The following NTM variants were observed in gnomAD, a reference collection of about 807,000 sequenced individuals.
NTM encodes the protein IgLON family member 2.
In NTM, 13 loss-of-function variants were observed where a neutral mutation model predicts 42.1. The observed-to-expected ratio is 0.31, with a 90% confidence interval of 0.20 to 0.49. The LOEUF (loss-of-function observed/expected upper bound fraction) is 0.49. Among genes scored for constraint, NTM ranks in the 20% least tolerant of loss-of-function variants. The probability of loss-of-function intolerance (pLI) is 0.99; values close to 1 mark genes in which losing one functional copy is unlikely to be tolerated. For missense variants in NTM, 373 were observed against 452.8 expected (o/e 0.82, Z 1.60); for synonymous variants, 187 against 179.2 (o/e 1.04, Z -0.35).
rs1470109313 is a variant in NTM at position 132,243,556 on chromosome 11, G to T, written c.526+31409G>T. Among the ~76,000 whole-genome samples, 6 of 152,134 alleles carry T rather than the reference G, an allele frequency of 3.9e-5. No individual in the cohort carries two copies. The South Asian group carries it at 1.2e-3, about 32-fold the overall frequency. ...CCAGGACACAGTGGACATTGAAGGG[G>T]AACAGAGAAGTAGAGGGTTTCCCTC... On this transcript the variant is annotated intron_variant, in intron 4 of 8. Coordinates refer to ENST00000683400, the MANE Select transcript of NTM (RefSeq NM_001352005.2).
chr11:131,586,080 T>C (rs1308153641), intron 1 of NTM, among the ~76,000 whole-genome samples: 1 of 152,158 alleles, frequency 6.6e-6, no homozygotes, highest in Admixed American at 6.6e-5. Context: ...TGTATGAGTG[T>C]GTTAGCCTTT....
Position 132,239,925 on chromosome 11 carries a change from C to T in NTM, c.526+27778C>T, listed in dbSNP as rs564803235. Among the ~76,000 whole-genome samples the T allele has an allele frequency of 5.3e-5, 8 of 152,146 alleles. No homozygotes were observed. In the East Asian group the frequency reaches 1.5e-3, roughly 29 times the overall value. On this transcript the variant is annotated intron_variant, in intron 4 of 8. Coordinates refer to ENST00000683400, the MANE Select transcript of NTM (RefSeq NM_001352005.2). ...TTTATCTGGTTTGGGAGCATTATGC[C>T]TCTCCTAGTTCATTTATCCATCCAT...
intron 1 of NTM, among the ~76,000 whole-genome samples, chr11:131,904,562 A>G (rs1294709883): frequency 6.6e-6 from 1 of 152,180 alleles, no homozygotes; most frequent in Non-Finnish European, 1.5e-5. Flanking sequence ...TTTAAGATGG[A>G]GACCTGAGCG....
intron 1 of NTM, among the ~76,000 whole-genome samples, chr11:131,731,030 A>T (rs2079613050): frequency 6.6e-6 from 1 of 152,190 alleles, no homozygotes; most frequent in South Asian, 2.1e-4. Context: ...ACTCTGATGA[A>T]ATACTTTTAA....
chr11:131,849,853 G>A (rs901209576), intron 1 of NTM, among the ~76,000 whole-genome samples: 3 of 151,150 alleles, frequency 2.0e-5, no homozygotes, highest in Admixed American at 1.3e-4. Context: ...GATAGCATTA[G>A]GAGATATACC....
At chr11:131,432,967 G>A (rs940656870) in intron 1 of NTM, among the ~76,000 whole-genome samples, 1 of 146,512 alleles carries the variant, frequency 6.8e-6, no homozygotes, top group Non-Finnish European at 1.5e-5. Flanking sequence ...CCATTCTCCT[G>A]CCTCAGCCTC....
chr11:132,220,701 C>T (rs1268938311), intron 4 of NTM, among the ~76,000 whole-genome samples: 1 of 152,144 alleles, frequency 6.6e-6, no homozygotes, highest in African/African-American at 2.4e-5. Context: ...CAGCATCCTC[C>T]CCCACACTCT....
In NTM at chr11:131,780,883, G is replaced by T. The variant is rs113157332; in HGVS notation, c.83-130681G>T. Among the ~76,000 whole-genome samples, 935 of 152,116 alleles carry T rather than the reference G, an allele frequency of 6.1e-3. 12 individuals carry two copies. Among genetic ancestry groups the T allele is most frequent in the African/African-American group, 0.022 (900 of 41,488 alleles). ...CTTCTCCTTGATGGTTAAATACAAA[G>T]AAAGAACTAATAACCATAAGGAACT... On this transcript the variant is annotated intron_variant, in intron 1 of 8. Coordinates refer to ENST00000683400, the MANE Select transcript of NTM (RefSeq NM_001352005.2).
At chr11:131,581,064 G>C (rs2058363684) in intron 1 of NTM, among the ~76,000 whole-genome samples, 1 of 152,178 alleles carries the variant, frequency 6.6e-6, no homozygotes, top group Non-Finnish European at 1.5e-5. Context: ...TATGGGGTTT[G>C]CCACACTCAT....
intron 1 of NTM, among the ~76,000 whole-genome samples, chr11:131,632,178 G>T (rs1265448770): frequency 1.3e-5 from 2 of 152,122 alleles, no homozygotes; most frequent in Admixed American, 1.3e-4. Flanking sequence ...TTGTGTCAGG[G>T]ATAGCATTTT....
intron 1 of NTM, among the ~76,000 whole-genome samples, chr11:131,837,541 AAC>A (rs922642963): frequency 2.0e-5 from 3 of 152,168 alleles, no homozygotes; most frequent in African/African-American, 4.8e-5. Context: ...CTTTGCGATT[AAC>A]ACAGTTTTTC....
At chr11:131,522,756 T>C (rs1005810745) in intron 1 of NTM, among the ~76,000 whole-genome samples, 1 of 152,214 alleles carries the variant, frequency 6.6e-6, no homozygotes, top group Non-Finnish European at 1.5e-5. Flanking sequence ...CCATAGATTA[T>C]AGAGCAGCAA....
intron 2 of NTM, among the ~76,000 whole-genome samples, chr11:131,923,801 G>C: frequency 6.6e-6 from 1 of 152,286 alleles, no homozygotes; most frequent in South Asian, 2.1e-4. Flanking sequence ...GTACCTTAGC[G>C]CTCTAGAGGA....
chr11:131,997,479 A>G (rs983223690), intron 2 of NTM, among the ~76,000 whole-genome samples: 8 of 152,136 alleles, frequency 5.3e-5, no homozygotes, highest in African/African-American at 1.9e-4. Context: ...AGGACCCTCG[A>G]TGGGCCTCAG....
At chr11:131,724,862 G>A (rs537539096) in intron 1 of NTM, among the ~76,000 whole-genome samples, 2 of 152,318 alleles carry the variant, frequency 1.3e-5, no homozygotes, top group Admixed American at 6.5e-5. Flanking sequence ...TTGCATGTCA[G>A]GGGAAATGAC....
intron 1 of NTM, among the ~76,000 whole-genome samples, chr11:131,867,726 G>A (rs1408684588): frequency 6.6e-6 from 1 of 152,150 alleles, no homozygotes; most frequent in Non-Finnish European, 1.5e-5. Context: ...GTGTCTGTGT[G>A]TGTAAATGTG....
chr11:131,424,902 C>CA (rs1182445441), intron 1 of NTM, among the ~76,000 whole-genome samples: 30 of 144,758 alleles, frequency 2.1e-4, no homozygotes, highest in Admixed American at 2.8e-4. Flanking sequence ...TTTTTTGAGA[C>CA]AGAGTCTCGC....
At chr11:131,758,325 C>T (rs1405520510) in intron 1 of NTM, among the ~76,000 whole-genome samples, 3 of 151,794 alleles carry the variant, frequency 2.0e-5, no homozygotes, top group Non-Finnish European at 2.9e-5. Flanking sequence ...AGTGATATGG[C>T]CATATTTCAT....
At chr11:131,713,500 A>G (rs1056050431) in intron 1 of NTM, among the ~76,000 whole-genome samples, 1 of 152,160 alleles carries the variant, frequency 6.6e-6, no homozygotes, top group Non-Finnish European at 1.5e-5. Context: ...TCTGGGCCCA[A>G]TTCATTCTTT....
Sources: gnomAD v4.1 joint callset for allele counts (sites outside exome capture counted in the v4.1 genomes callset) on GRCh38, gnomAD v4.1.1 for gene constraint, MANE v1.5 for transcripts, NCBI Gene and HGNC (gene_info 2026-07-23, HGNC 2026-07-21) for gene names.